Variants in SLC20A2 observed in about 807,000 individuals in gnomAD.
SLC20A2 encodes sodium-dependent phosphate transporter 2.
A neutral mutation model predicts 61.0 loss-of-function variants in SLC20A2; 30 were observed. The observed-to-expected ratio is 0.49, with a 90% CI of 0.37 to 0.67. The LOEUF (loss-of-function observed/expected upper bound fraction) is 0.67. SLC20A2 is among the 30% of genes least tolerant of loss of function. The probability of loss-of-function intolerance (pLI) is 0.00; values close to 1 mark genes in which losing one functional copy is unlikely to be tolerated. For synonymous variants in SLC20A2, 351 were observed against 353.3 expected, an observed-to-expected ratio of 0.99 and a Z score of 0.07; for missense variants, 626 against 866.4, an observed-to-expected ratio of 0.72 and a Z score of 3.48.
chr8:42,420,585 CACTT>C (rs1385342955), intron 10 of SLC20A2, among the ~76,000 whole-genome samples: 1 of 152,172 alleles, frequency 6.6e-6, no homozygotes, highest in Admixed American at 6.5e-5. Flanking sequence ...ACCTTTCAAA[CACTT>C]ACTGGTTAAA....
chr8:42,472,972 C>G lies in SLC20A2; in HGVS notation c.-264-318G>C, dbSNP rs1420704436. Among the ~76,000 whole-genome samples, 1 of 152,126 alleles carries G rather than the reference C, an allele frequency of 6.6e-6. No individual in the cohort carries two copies. The highest frequency in any genetic ancestry group is 1.5e-5 in the Non-Finnish European group (1 of 68,034). ...CATTATTTTCAGAGAGGAACAAGTG[C>G]CTCAAATGAGCAAAAGATTAAGAAA... On this transcript the variant is annotated intron_variant, in intron 1 of 10. Coordinates refer to ENST00000520262, the MANE Select transcript of SLC20A2 (RefSeq NM_001257180.2). This position sits in a 1 kb window ranked among gnomAD's most constrained non-coding sequence, Gnocchi z 4.1.
chr8:42,485,302 A>C (rs544721516), intron 1 of SLC20A2, among the ~76,000 whole-genome samples: 9 of 152,184 alleles, frequency 5.9e-5, no homozygotes, highest in African/African-American at 2.2e-4. Flanking sequence ...CCCTCCAAAA[A>C]AGGGGAGCTT....
At chr8:42,446,070 T>A (rs1161353738) in intron 5 of SLC20A2, among the ~76,000 whole-genome samples, 2 of 152,248 alleles carry the variant, frequency 1.3e-5, no homozygotes, top group Non-Finnish European at 2.9e-5. Context: ...ATGTTCCTGC[T>A]TTGGCCTCCC....
At position 42,487,176 on chromosome 8, in the gene SLC20A2, C is replaced by CTT. The variant is rs553949254; in HGVS notation, c.-265+13853_-265+13854dup. ...CACCGTGCTTGGCCATGGTTTCTTT[C>CTT]TTTTTTTTTTTTTTTTTTTGAGACA... On this transcript the variant is annotated intron_variant, in intron 1 of 10. Transcript: ENST00000520262. Among the ~76,000 whole-genome samples the CTT allele has an allele frequency of 3.2e-4, 31 of 98,068 alleles. No individual in the cohort carries two copies. The East Asian group carries it at 6.2e-3, about 20-fold the overall frequency. The allele number at this position is 98,068 out of a possible 152,430, so 64.3% of individuals were successfully genotyped here.
rs1290608440 is a variant in SLC20A2 at position 42,528,966 on chromosome 8, C to CTATCATTATTAT, written c.-265+12854_-265+12855insATAATAATGATA. On this transcript the variant is annotated intron_variant, in intron 1 of 10. Transcript: ENST00000342228. Reference sequence around the variant, plus strand: ...ACAGGCATGAGCCACCGAGCCCGGCCTATTATTATTATTATTATTATTTTT... The same window carrying CTATCATTATTAT: ...ACAGGCATGAGCCACCGAGCCCGGCCTATCATTATTATTATTATTATTATTATTATTATTTTT... Among the ~76,000 whole-genome samples the CTATCATTATTAT allele has an allele frequency of 1.3e-3, 187 of 148,514 alleles. 4 individuals carry two copies. The highest frequency in any genetic ancestry group is 7.0e-3 in the Middle Eastern group (2 of 286).
chr8:42,444,907 A>C (rs978157241), intron 5 of SLC20A2, 145 bp from the exon 6 acceptor site: 3 of 606,934 alleles, frequency 4.9e-6, no homozygotes, highest in Admixed American at 5.9e-5. Flanking sequence ...AAAACATGCT[A>C]TACTTTTTGG....
chr8:42,453,220 A>C (rs1175560811), intron 5 of SLC20A2, among the ~76,000 whole-genome samples: 1 of 152,344 alleles, frequency 6.6e-6, no homozygotes, highest in East Asian at 1.9e-4. Flanking sequence ...CAGGCCCCAC[A>C]CAACTGAAGA....
intron 1 of SLC20A2, among the ~76,000 whole-genome samples, chr8:42,495,624 G>A (rs1207928452): frequency 1.3e-5 from 2 of 152,198 alleles, no homozygotes; most frequent in Non-Finnish European, 2.9e-5. Flanking sequence ...AATATCTTAT[G>A]ACCAGGCAAA....
intron 6 of SLC20A2, among the ~76,000 whole-genome samples, chr8:42,440,340 T>C (rs1586035668): frequency 6.6e-6 from 1 of 152,132 alleles, no homozygotes; most frequent in African/African-American, 2.4e-5. Flanking sequence ...AAATTTCAAT[T>C]TCTGAAAAAT....
intron 1 of SLC20A2, among the ~76,000 whole-genome samples, chr8:42,536,182 T>C (rs746597311): frequency 2.0e-5 from 3 of 152,234 alleles, no homozygotes; most frequent in Non-Finnish European, 4.4e-5. Context: ...ATATTCATTA[T>C]TACAAGTTTC....
chr8:42,485,927 A>G (rs1388240345), intron 1 of SLC20A2, among the ~76,000 whole-genome samples: 1 of 149,416 alleles, frequency 6.7e-6, no homozygotes, highest in Non-Finnish European at 1.5e-5. Context: ...CCCTGGCGAC[A>G]GAGCGAGACT....
chr8:42,460,238 A>T, intron 4 of SLC20A2: 4 of 365,336 alleles, frequency 1.1e-5, no homozygotes, highest in Non-Finnish European at 2.1e-5. Flanking sequence ...AGACACATTA[A>T]AGCCCTGGAA....
At chr8:42,531,155 A>G (rs1812294087) in intron 1 of SLC20A2, among the ~76,000 whole-genome samples, 1 of 152,210 alleles carries the variant, frequency 6.6e-6, no homozygotes, top group Non-Finnish European at 1.5e-5. Context: ...AAAGGACCAT[A>G]CCTTATTCAT....
intron 8 of SLC20A2, among the ~76,000 whole-genome samples, chr8:42,436,530 C>T (rs1009141613): frequency 4.6e-5 from 7 of 152,294 alleles, no homozygotes; most frequent in Non-Finnish European, 7.4e-5. Context: ...CCTGTGTGGC[C>T]CCTGCTCACA....
intron 10 of SLC20A2, among the ~76,000 whole-genome samples, chr8:42,422,178 T>C (rs974800611): frequency 1.3e-5 from 2 of 151,878 alleles, no homozygotes; most frequent in African/African-American, 4.8e-5. Context: ...TCAGCCTCCC[T>C]AGTAGCTGGG....
intron 10 of SLC20A2, among the ~76,000 whole-genome samples, chr8:42,423,346 T>A (rs1415087708): frequency 2.0e-5 from 3 of 149,536 alleles, no homozygotes; most frequent in East Asian, 1.9e-4. Context: ...TTTTTTTTTT[T>A]AATTTAAATT....
chr8:42,462,790 C>T (rs1806818316), intron 4 of SLC20A2, among the ~76,000 whole-genome samples: 1 of 152,124 alleles, frequency 6.6e-6, no homozygotes, highest in Non-Finnish European at 1.5e-5. Context: ...AGCCAAGAAA[C>T]ACTATTTGCA....
Position 42,472,018 on chromosome 8 carries a change from C to A in SLC20A2, c.289+84G>T. 2.4e-6 allele frequency: 3 copies of A among 1,271,846 alleles called. No individual in the cohort carries two copies. The highest frequency in any genetic ancestry group is 1.5e-5 in the South Asian group (1 of 67,638). The allele number at this position is 1,271,846 out of a possible 1,614,324, so 78.8% of individuals were successfully genotyped here. A position where few individuals can be genotyped will look rare whatever the true frequency, so the allele number is the denominator to read the frequency against. ...GTTTTTGAAAAGCCAAAGCAAAAATCACATTTATGGATATGGGCAAAGTAC... is the reference window on the plus strand; with the variant it reads ...GTTTTTGAAAAGCCAAAGCAAAAATAACATTTATGGATATGGGCAAAGTAC... On this transcript the variant is annotated intron_variant, in intron 2 of 10. Transcript: ENST00000520262. This position sits in a 1 kb window ranked among gnomAD's most constrained non-coding sequence, Gnocchi z 4.1.
intron 1 of SLC20A2, among the ~76,000 whole-genome samples, chr8:42,486,929 T>C (rs561348284): frequency 3.2e-4 from 48 of 152,096 alleles, no homozygotes; most frequent in Middle Eastern, 3.4e-3. Flanking sequence ...TGCAATGGTG[T>C]GATCTCAGCC....
Sources: gnomAD v4.1 joint callset for allele counts (sites outside exome capture counted in the v4.1 genomes callset) on GRCh38, gnomAD v4.1.1 for gene constraint, Gnocchi (gnomAD v3.1) non-coding constraint, MANE v1.5 for transcripts, NCBI Gene and HGNC (gene_info 2026-07-23, HGNC 2026-07-21) for gene names.